The following NKAIN2 variants were observed in gnomAD, a reference collection of about 807,000 sequenced individuals.
The protein encoded by NKAIN2 is sodium/potassium transporting ATPase interacting 2.
Under a neutral mutation model 32.6 loss-of-function variants are expected in NKAIN2, and 14 were observed. That is an observed-to-expected ratio of 0.43 (90% confidence interval 0.28 to 0.67). NKAIN2 has a LOEUF of 0.67. Ranked by LOEUF, NKAIN2 falls within the 30% of genes least tolerant of loss-of-function variation. The pLI, the probability that NKAIN2 is intolerant of heterozygous loss-of-function variation, is 0.17. For missense variants in NKAIN2, 198 were observed against 258.3 expected (o/e 0.77, Z 1.60); for synonymous variants, 80 against 87.2 (o/e 0.92, Z 0.46).
chr6:124,157,102 CAAAAAAAAAAA>C (rs386408503), intron 1 of NKAIN2, among the ~76,000 whole-genome samples: 4 of 48,982 alleles, frequency 8.2e-5, no homozygotes, highest in African/African-American at 3.8e-4. Flanking sequence ...GACTCTGTCT[CAAAAAAAAAAA>C]AAAAAAAAAA....
intron 4 of NKAIN2, among the ~76,000 whole-genome samples, chr6:124,771,094 G>C (rs928895886): frequency 1.3e-5 from 2 of 152,028 alleles, no homozygotes; most frequent in Non-Finnish European, 2.9e-5. Context: ...ATCTTGACTA[G>C]TCCAAAAGCC....
At position 124,631,531 on chromosome 6, in the gene NKAIN2, C is replaced by T. The variant is rs780017729; in HGVS notation, c.274-26655C>T. On this transcript the variant is annotated intron_variant, in intron 3 of 6. Coordinates refer to ENST00000368417, the MANE Select transcript of NKAIN2 (RefSeq NM_001040214.3). ...GGTTATACAGGTCTTTGAGTGCAGG[C>T]TTCTCTCTTGTAGGACCATTCAGCC... is the stretch of plus-strand genomic sequence containing the variant. Among the ~76,000 whole-genome samples, 118 of 152,204 alleles carry T rather than the reference C, an allele frequency of 7.8e-4. 1 individual carries two copies. Among genetic ancestry groups the T allele is most frequent in the Non-Finnish European group, 1.3e-3 (91 of 68,016 alleles).
chr6:124,477,711 TTA>T (rs1777280954), intron 3 of NKAIN2, among the ~76,000 whole-genome samples: 2 of 4,404 alleles, frequency 4.5e-4, no homozygotes, highest in South Asian at 0.013. Context: ...TCCCTCCCCC[TTA>T]CTCTTCCCCC....
At chr6:124,044,080 C>CT (rs1161179436) in intron 1 of NKAIN2, among the ~76,000 whole-genome samples, 6 of 152,026 alleles carry the variant, frequency 3.9e-5, no homozygotes, top group Admixed American at 3.9e-4. Flanking sequence ...GCTTTAGATC[C>CT]TTTTTCAGCT....
chr6:124,723,653 G>A (rs1287934914), intron 4 of NKAIN2, among the ~76,000 whole-genome samples: 4 of 152,126 alleles, frequency 2.6e-5, no homozygotes, highest in African/African-American at 9.7e-5. Context: ...ACAGCGGGTA[G>A]GAACATAAAC....
At chr6:123,970,893 GA>G (rs545016697) in intron 1 of NKAIN2, among the ~76,000 whole-genome samples, 1 of 151,804 alleles carries the variant, frequency 6.6e-6, no homozygotes. Flanking sequence ...AGAAAAAAAA[GA>G]AAAAAAGAAA....
At chr6:124,647,496 CAAAAAAAAA>C (rs1157607122) in intron 3 of NKAIN2, among the ~76,000 whole-genome samples, 2 of 58,948 alleles carry the variant, frequency 3.4e-5, no homozygotes, top group South Asian at 9.5e-4. Context: ...GAGACTCTGT[CAAAAAAAAA>C]AAAAAAAAAA....
rs76547497 is a variant in NKAIN2 at position 124,706,726 on chromosome 6, C to T, written c.474+48340C>T. ...ATGCCACAACAACATGGCACCTAAT[C>T]GTCATTTGACTCCACTGCTTAATCT... On this transcript the variant is annotated intron_variant, in intron 4 of 6. Coordinates refer to ENST00000368417, the MANE Select transcript of NKAIN2 (RefSeq NM_001040214.3). Among the ~76,000 whole-genome samples the T allele has an allele frequency of 3.9e-5, 6 of 152,264 alleles. No individual in the cohort carries two copies. The East Asian group carries it at 9.6e-4, about 24-fold the overall frequency.
intron 2 of NKAIN2, among the ~76,000 whole-genome samples, chr6:124,292,579 AG>A (rs1189253472): frequency 6.6e-6 from 1 of 151,676 alleles, no homozygotes; most frequent in Non-Finnish European, 1.5e-5. Context: ...TCTATGGGGA[AG>A]GCAACCCCAT....
At chr6:124,392,891 C>A (rs1773205972) in intron 3 of NKAIN2, among the ~76,000 whole-genome samples, 1 of 152,032 alleles carries the variant, frequency 6.6e-6, no homozygotes, top group African/African-American at 2.4e-5. Flanking sequence ...CTTATTTTCT[C>A]ATTCTCCTGA....
intron 5 of NKAIN2, chr6:124,804,403 G>A (rs1004155578): frequency 5.0e-5 from 27 of 540,960 alleles, no homozygotes; most frequent in South Asian, 3.9e-4. Flanking sequence ...TTCAGCTAAC[G>A]ATATACTTTA....
At chr6:124,331,370 A>AAAAAAAAAAAAAAAAAAAAC (rs1797648384) in intron 2 of NKAIN2, among the ~76,000 whole-genome samples, 1 of 144,428 alleles carries the variant, frequency 6.9e-6, no homozygotes, top group African/African-American at 2.6e-5. Flanking sequence ...AAAAAAAAAA[A>AAAAAAAAAAAAAAAAAAAAC]AAAAAAAAAC....
chr6:124,176,505 C>T lies in NKAIN2; in HGVS notation c.55-106500C>T, dbSNP rs183891776. On this transcript the variant is annotated intron_variant, in intron 1 of 6. Coordinates refer to ENST00000368417, the MANE Select transcript of NKAIN2 (RefSeq NM_001040214.3). Reference sequence around the variant, plus strand: ...ATTGCTTTGGCTAAAACTTCCAGTACGATGTTGAATGACAGTGGTGAAAAT... The same window carrying T: ...ATTGCTTTGGCTAAAACTTCCAGTATGATGTTGAATGACAGTGGTGAAAAT... Among the ~76,000 whole-genome samples, 11 of 152,122 alleles carry T rather than the reference C, an allele frequency of 7.2e-5. No homozygotes were observed. In the East Asian group the frequency reaches 1.2e-3, roughly 16 times the overall value.
intron 3 of NKAIN2, among the ~76,000 whole-genome samples, chr6:124,589,157 C>CA (rs1406611580): frequency 3.3e-5 from 5 of 151,974 alleles, no homozygotes; most frequent in Non-Finnish European, 5.9e-5. Flanking sequence ...AGAAATTGTG[C>CA]AAAAAATATG....
At chr6:124,047,122 C>T (rs1468684916) in intron 1 of NKAIN2, among the ~76,000 whole-genome samples, 1 of 151,872 alleles carries the variant, frequency 6.6e-6, no homozygotes, top group African/African-American at 2.4e-5. Flanking sequence ...TTTGTTAACC[C>T]TTTACAATCC....
At chr6:124,592,363 T>G (rs1011443119) in intron 3 of NKAIN2, among the ~76,000 whole-genome samples, 3 of 152,178 alleles carry the variant, frequency 2.0e-5, no homozygotes, top group Non-Finnish European at 4.4e-5. Flanking sequence ...CAGAGGGGGT[T>G]TACATTAATA....
At chr6:124,405,559 T>C (rs1304363677) in intron 3 of NKAIN2, among the ~76,000 whole-genome samples, 3 of 151,774 alleles carry the variant, frequency 2.0e-5, no homozygotes, top group Non-Finnish European at 4.4e-5. Context: ...TTTTCCTTTT[T>C]GTGGAGAACA....
intron 3 of NKAIN2, among the ~76,000 whole-genome samples, chr6:124,396,572 G>T (rs1021438238): frequency 5.9e-5 from 9 of 152,134 alleles, no homozygotes; most frequent in Non-Finnish European, 1.3e-4. Flanking sequence ...TCAGAACTGT[G>T]ATTTCAGTCA....
intron 2 of NKAIN2, among the ~76,000 whole-genome samples, chr6:124,354,189 A>T (rs181832243): frequency 3.9e-5 from 6 of 151,944 alleles, no homozygotes; most frequent in African/African-American, 1.4e-4. Context: ...CAGGTTATGT[A>T]CTCCTCTCAT....
Sources: allele counts gnomAD v4.1 joint callset (sites outside exome capture counted in the v4.1 genomes callset), GRCh38; gene constraint gnomAD v4.1.1; transcripts MANE v1.5; gene names NCBI Gene and HGNC (gene_info 2026-07-23, HGNC 2026-07-21).